GRB10: variants seen among roughly 807,000 people sequenced by gnomAD.
GRB10 encodes growth factor receptor bound protein 10.
GRB10 carries 20 observed loss-of-function variants against 80.9 expected under a neutral mutation model. The observed-to-expected ratio is 0.25, with a 90% CI of 0.17 to 0.36. GRB10 has a LOEUF of 0.36. Among genes scored for constraint, GRB10 ranks in the 10% least tolerant of loss-of-function variants. The pLI, the probability that GRB10 is intolerant of heterozygous loss-of-function variation, is 1.00. For missense variants in GRB10, 548 were observed against 747.7 expected, an observed-to-expected ratio of 0.73 and a Z score of 3.12; for synonymous variants, 291 against 291.5, an observed-to-expected ratio of 1.00 and a Z score of 0.02.
intron 1 of GRB10, chr7:50,792,571 G>C (rs1274024877): frequency 5.0e-6 from 2 of 398,266 alleles, no homozygotes; most frequent in African/African-American, 2.1e-5. Flanking sequence ...ACATTTCCAC[G>C]GCTGGCGGGC....
intron 2 of GRB10, among the ~76,000 whole-genome samples, chr7:50,764,634 G>T (rs2076138089): frequency 6.6e-6 from 1 of 152,286 alleles, no homozygotes; most frequent in East Asian, 1.9e-4. Flanking sequence ...CCACCAGCTG[G>T]GGTGGGGGCA....
At chr7:50,661,358 C>T (rs1170430880) in intron 7 of GRB10, among the ~76,000 whole-genome samples, 1 of 152,144 alleles carries the variant, frequency 6.6e-6, no homozygotes, top group Non-Finnish European at 1.5e-5. Flanking sequence ...GGAGCTAAGA[C>T]AAGATTTATG....
chr7:50,733,916 G>C (rs1443466115), intron 3 of GRB10, among the ~76,000 whole-genome samples: 2 of 152,178 alleles, frequency 1.3e-5, no homozygotes, highest in African/African-American at 4.8e-5. Context: ...CAAACACTGA[G>C]ATTTCCTAGA....
intron 2 of GRB10, among the ~76,000 whole-genome samples, chr7:50,775,238 G>A (rs2077502750): frequency 6.9e-6 from 1 of 143,946 alleles, no homozygotes; most frequent in Admixed American, 7.0e-5. Context: ...AAATAGGAAA[G>A]AAAAAAGAGG....
chr7:50,705,007 C>T lies in GRB10; in HGVS notation c.52-1099G>A, dbSNP rs138533130. The T allele has an allele frequency of 1.5e-3, 500 of 331,676 alleles. 2 individuals carry two copies. The highest frequency in any genetic ancestry group is 1.9e-3 in the Non-Finnish European group (431 of 232,272). 20.5% of individuals were successfully genotyped at this position (331,676 alleles called of 1,614,324 possible). The stretch of plus-strand genomic sequence containing the variant: ...CATTGATTTCAACAAGGTGCCCAAG[C>T]AGCAGGCCTTGGGAATGTGACTCTT... On this transcript the variant is annotated intron_variant, in intron 4 of 18. Transcript: ENST00000401949.
chr7:50,729,965 A>T (rs978668496), intron 4 of GRB10, among the ~76,000 whole-genome samples: 1 of 152,012 alleles, frequency 6.6e-6, no homozygotes, highest in Non-Finnish European at 1.5e-5. Flanking sequence ...ACAGCCCTTG[A>T]CTCAGCTTCT....
At chr7:50,624,163 C>A (rs2052431318) in intron 8 of GRB10, among the ~76,000 whole-genome samples, 1 of 152,184 alleles carries the variant, frequency 6.6e-6, no homozygotes, top group Admixed American at 6.5e-5. Context: ...CTGCCTTTTG[C>A]CCCAGCCACC....
At chr7:50,714,459 T>A (rs2066496130) in intron 4 of GRB10, among the ~76,000 whole-genome samples, 1 of 152,160 alleles carries the variant, frequency 6.6e-6, no homozygotes, top group Non-Finnish European at 1.5e-5. Flanking sequence ...GTCAGGAGAC[T>A]GAGACCATTC....
chr7:50,738,035 C>T lies in GRB10; in HGVS notation c.-46-5667G>A, dbSNP rs151145749. Among the ~76,000 whole-genome samples the T allele has an allele frequency of 2.3e-3, 350 of 152,208 alleles. 1 individual carries two copies. The highest frequency in any genetic ancestry group is 7.1e-3 in the African/African-American group (296 of 41,496). On this transcript the variant is annotated intron_variant, in intron 3 of 18. Coordinates refer to ENST00000401949, the MANE Select transcript of GRB10 (RefSeq NM_001350814.2). The stretch of plus-strand genomic sequence containing the variant: ...TGAAAAGGTCCTCAACATCACTAGT[C>T]GTTAGGGAAATGCAAATCAGAACTG...
At chr7:50,649,151 G>C (rs185185939) in intron 7 of GRB10, among the ~76,000 whole-genome samples, 206 of 152,280 alleles carry the variant, frequency 1.4e-3, no homozygotes, top group African/African-American at 4.9e-3. Context: ...GGTGTGGACA[G>C]AGCAGTGAAT....
At chr7:50,651,478 C>G (rs2058001635) in intron 7 of GRB10, among the ~76,000 whole-genome samples, 1 of 152,194 alleles carries the variant, frequency 6.6e-6, no homozygotes, top group Non-Finnish European at 1.5e-5. Context: ...GGACACCAGT[C>G]ATATTGGCTA....
intron 1 of GRB10, among the ~76,000 whole-genome samples, chr7:50,788,764 G>A (rs2078796512): frequency 6.6e-6 from 1 of 152,172 alleles, no homozygotes; most frequent in Non-Finnish European, 1.5e-5. Context: ...ACATCCCAGG[G>A]GCACATCAGC....
At chr7:50,597,549 C>T (rs530593519) in intron 17 of GRB10, among the ~76,000 whole-genome samples, 11 of 152,372 alleles carry the variant, frequency 7.2e-5, no homozygotes, top group Admixed American at 6.5e-5. Context: ...CTTTCTCTGC[C>T]GTTAACTATC....
At chr7:50,694,153 G>A (rs1402133889) in intron 5 of GRB10, among the ~76,000 whole-genome samples, 7 of 152,080 alleles carry the variant, frequency 4.6e-5, no homozygotes, top group Admixed American at 2.6e-4. Flanking sequence ...GCGAAACCCC[G>A]TTTCTACCCA....
chr7:50,773,172 C>T (rs1588047376), intron 2 of GRB10, among the ~76,000 whole-genome samples: 1 of 152,002 alleles, frequency 6.6e-6, no homozygotes, highest in African/African-American at 2.4e-5. Flanking sequence ...GACTTATTCA[C>T]TATCACTAGA....
chr7:50,611,195 T>C (rs763485222), intron 13 of GRB10, among the ~76,000 whole-genome samples: 4 of 152,226 alleles, frequency 2.6e-5, no homozygotes, highest in Admixed American at 6.5e-5. Context: ...AATACAAATA[T>C]TCCAATTTTT....
At chr7:50,715,858 C>T (rs926544206) in intron 4 of GRB10, among the ~76,000 whole-genome samples, 3 of 152,214 alleles carry the variant, frequency 2.0e-5, no homozygotes, top group Non-Finnish European at 4.4e-5. Context: ...TGACAACAGG[C>T]AGCATGGGAC....
At chr7:50,779,659 C>T (rs1235735592) in intron 2 of GRB10, 1 of 152,206 alleles carries the variant, frequency 6.6e-6, no homozygotes, top group Non-Finnish European at 1.5e-5. Flanking sequence ...CCATTCTCAT[C>T]CCACTTGAGT....
Position 50,732,197 on chromosome 7 carries a change from C to T in GRB10, c.51+75G>A. 4 of 1,455,622 alleles carry T rather than the reference C, an allele frequency of 2.7e-6. No homozygotes were observed. In the South Asian group the frequency reaches 3.4e-5, roughly 12 times the overall value. 90.2% of individuals were successfully genotyped at this position (1,455,622 alleles called of 1,614,324 possible). ...TGAGAGCTACAGAAACGATCCATGGCTGCTGGCGACATGTGTGCCCTGGCC... is the reference window on the plus strand; with the variant it reads ...TGAGAGCTACAGAAACGATCCATGGTTGCTGGCGACATGTGTGCCCTGGCC... On this transcript the variant is annotated intron_variant, in intron 4 of 18. Transcript: ENST00000401949.
Sources: gnomAD v4.1 joint callset for allele counts (sites outside exome capture counted in the v4.1 genomes callset) on GRCh38, gnomAD v4.1.1 for gene constraint, MANE v1.5 for transcripts, NCBI Gene and HGNC (gene_info 2026-07-23, HGNC 2026-07-21) for gene names.